CPA6: variants seen among roughly 807,000 people sequenced by gnomAD.
CPA6 encodes the protein carboxypeptidase B.
A neutral mutation model predicts 63.3 loss-of-function variants in CPA6; 58 were observed. That is an observed-to-expected ratio of 0.92 (90% CI 0.74 to 1.14). The LOEUF is 1.14. CPA6 is among the 50% of genes most tolerant of loss of function. The pLI is 0.00. For missense variants in CPA6, 565 were observed against 526.6 expected (o/e 1.07, Z -0.71); for synonymous variants, 185 against 179.0 (o/e 1.03, Z -0.27).
At chr8:67,585,345 T>C (rs1166767910) in intron 2 of CPA6, among the ~76,000 whole-genome samples, 1 of 152,154 alleles carries the variant, frequency 6.6e-6, no homozygotes, top group Non-Finnish European at 1.5e-5. Flanking sequence ...GTAGCAGTAA[T>C]TGGTAGGCAA....
At chr8:67,737,241 T>C (rs1817830268) in intron 1 of CPA6, among the ~76,000 whole-genome samples, 1 of 152,174 alleles carries the variant, frequency 6.6e-6, no homozygotes, top group Non-Finnish European at 1.5e-5. Flanking sequence ...GTTATAGCCA[T>C]ACTCAATTGC....
chr8:67,443,921 A>G (rs1810352417), intron 8 of CPA6, among the ~76,000 whole-genome samples: 1 of 152,126 alleles, frequency 6.6e-6, no homozygotes, highest in African/African-American at 2.4e-5. Flanking sequence ...GACTGGTTGA[A>G]TATGTAAGGC....
At chr8:67,731,413 A>G (rs1402315550) in intron 1 of CPA6, among the ~76,000 whole-genome samples, 2 of 152,162 alleles carry the variant, frequency 1.3e-5, no homozygotes, top group East Asian at 3.9e-4. Flanking sequence ...ACAATTCCTT[A>G]ACTCAAGGCT....
intron 2 of CPA6, among the ~76,000 whole-genome samples, chr8:67,547,347 A>G (rs1437080941): frequency 1.3e-5 from 2 of 152,138 alleles, no homozygotes; most frequent in Admixed American, 1.3e-4. Flanking sequence ...TGCCCGGCCG[A>G]AGGCCAAGTT....
intron 1 of CPA6, among the ~76,000 whole-genome samples, chr8:67,633,659 C>A (rs1019355392): frequency 7.4e-6 from 1 of 135,104 alleles, no homozygotes; most frequent in Non-Finnish European, 1.5e-5. Context: ...CCAGCCTGGG[C>A]GACAGAGCGA....
At chr8:67,506,668 G>A in intron 6 of CPA6, 119 bp downstream of exon 6, 1 of 683,052 alleles carries the variant, frequency 1.5e-6, no homozygotes, top group South Asian at 1.7e-5. Flanking sequence ...TGGAATCAAG[G>A]TGTTACTGTT....
chr8:67,622,675 AAG>A lies in CPA6; in HGVS notation c.192+1499_192+1500del, dbSNP rs779528049. Among the ~76,000 whole-genome samples, 10 of 152,326 alleles carry A rather than the reference AAG, an allele frequency of 6.6e-5. 1 individual carries two copies. The highest frequency in any genetic ancestry group is 2.6e-4 in the Admixed American group (4 of 15,304). On this transcript the variant is annotated intron_variant, in intron 2 of 10. Transcript: ENST00000297770. ...AAGAGAAAAATCAAACCATAAATAA[AAG>A]AAAAAAAGTTTGTTAATTACAAATA...
rs145317345 is a variant in CPA6, at chr8:67,611,060, T to C, written c.192+13116A>G. Among the ~76,000 whole-genome samples the C allele has an allele frequency of 3.6e-3, 536 of 150,828 alleles. 4 individuals carry two copies. Among genetic ancestry groups the C allele is most frequent in the African/African-American group, 0.012 (495 of 40,728 alleles). ...GGATTTTATATTATCCCATAACATCTACCATGGCCATGGCCTTTTCACTCC... is the reference window on the plus strand; with the variant it reads ...GGATTTTATATTATCCCATAACATCCACCATGGCCATGGCCTTTTCACTCC... On this transcript the variant is annotated intron_variant, in intron 2 of 10. Coordinates refer to ENST00000297770, the MANE Select transcript of CPA6 (RefSeq NM_020361.5).
chr8:67,467,524 A>C (rs1274290212), intron 8 of CPA6, among the ~76,000 whole-genome samples: 2 of 152,020 alleles, frequency 1.3e-5, no homozygotes, highest in Non-Finnish European at 2.9e-5. Flanking sequence ...CATCCTGGAT[A>C]CCTCCCTTTC....
At chr8:67,619,443 A>C (rs940429916) in intron 2 of CPA6, among the ~76,000 whole-genome samples, 1 of 152,212 alleles carries the variant, frequency 6.6e-6, no homozygotes, top group Non-Finnish European at 1.5e-5. Flanking sequence ...TCAAGCTGTT[A>C]AAACAGCCCT....
At chr8:67,510,083 G>C (rs1003298715) in intron 4 of CPA6, among the ~76,000 whole-genome samples, 1 of 152,050 alleles carries the variant, frequency 6.6e-6, no homozygotes, top group Non-Finnish European at 1.5e-5. Flanking sequence ...TAAGAAAAAG[G>C]CATTATCTTT....
At chr8:67,688,703 G>A (rs901429227) in intron 1 of CPA6, among the ~76,000 whole-genome samples, 2 of 151,910 alleles carry the variant, frequency 1.3e-5, no homozygotes, top group Admixed American at 6.6e-5. Context: ...TCCTAGTTTC[G>A]GTTTGTGTTT....
intron 1 of CPA6, among the ~76,000 whole-genome samples, chr8:67,682,501 G>T (rs946580967): frequency 6.6e-6 from 1 of 152,152 alleles, no homozygotes; most frequent in Non-Finnish European, 1.5e-5. Flanking sequence ...ATCATTGGTG[G>T]CATCTGTGAG....
intron 8 of CPA6, among the ~76,000 whole-genome samples, chr8:67,454,824 A>T (rs963349925): frequency 1.6e-4 from 25 of 152,218 alleles, no homozygotes; most frequent in African/African-American, 6.0e-4. Flanking sequence ...AAGTATTGAG[A>T]TGTAAAACTC....
In CPA6 at chr8:67,586,685, T is replaced by C. The variant is rs1813946540; in HGVS notation, c.192+37491A>G. On this transcript the variant is annotated intron_variant, in intron 2 of 10. Transcript: ENST00000297770. ...CTGTAGGGAGATCAGCATAGAAATA[T>C]AGAGCTTTTTTCATGGAAGTGACTC... Among the ~76,000 whole-genome samples the C allele has an allele frequency of 2.6e-5, 4 of 152,250 alleles. No individual in the cohort carries two copies. The South Asian group carries it at 8.3e-4, about 32-fold the overall frequency.
intron 1 of CPA6, among the ~76,000 whole-genome samples, chr8:67,644,400 G>A (rs1815667924): frequency 6.6e-6 from 1 of 152,242 alleles, no homozygotes; most frequent in Non-Finnish European, 1.5e-5. Context: ...TTACAGGCGT[G>A]AGCCACCATG....
Position 67,617,924 on chromosome 8 carries a change from GCTGT to G in CPA6, c.192+6248_192+6251del, listed in dbSNP as rs560078194. Among the ~76,000 whole-genome samples the G allele has an allele frequency of 1.9e-4, 27 of 142,990 alleles. 1 individual carries two copies. The highest frequency in any genetic ancestry group is 1.8e-3 in the Admixed American group (25 of 13,766). The allele number at this position is 142,990 out of a possible 152,430, so 93.8% of individuals were successfully genotyped here. On this transcript the variant is annotated intron_variant, in intron 2 of 10. Transcript: ENST00000297770. ...TTGCCATGGGGCAGTTCACGGCATG[GCTGT>G]TTGTTTTTGCAGGCTAGCAGGAGTG...
intron 1 of CPA6, among the ~76,000 whole-genome samples, chr8:67,689,548 AATTT>A (rs1303134151): frequency 6.6e-6 from 1 of 152,134 alleles, no homozygotes; most frequent in Non-Finnish European, 1.5e-5. Context: ...TTCTTGCATT[AATTT>A]GTTTAGGATA....
At chr8:67,629,479 C>CAAAAA (rs34412333) in intron 1 of CPA6, among the ~76,000 whole-genome samples, 1,545 of 93,840 alleles carry the variant, frequency 0.016, 47 homozygotes, top group African/African-American at 0.051. Flanking sequence ...GACCCTGTCT[C>CAAAAA]AAAAAAAAAA....
Sources: allele counts gnomAD v4.1 joint callset (sites outside exome capture counted in the v4.1 genomes callset), GRCh38; gene constraint gnomAD v4.1.1; transcripts MANE v1.5; gene names NCBI Gene and HGNC (gene_info 2026-07-23, HGNC 2026-07-21).